MFSD1: variants seen among roughly 807,000 people sequenced by gnomAD.
MFSD1 encodes the protein major facilitator superfamily domain containing 1.
Under a neutral mutation model 67.1 loss-of-function variants are expected in MFSD1, and 59 were observed. The observed-to-expected ratio is 0.88, with a 90% CI of 0.71 to 1.09. The LOEUF (loss-of-function observed/expected upper bound fraction) is 1.09. Ranked by LOEUF, MFSD1 falls within the 50% of genes least tolerant of loss-of-function variation. MFSD1 has a pLI of 0.00. For synonymous variants in MFSD1, 213 were observed against 200.3 expected, an observed-to-expected ratio of 1.06 and a Z score of -0.54; for missense variants, 552 against 566.1, an observed-to-expected ratio of 0.97 and a Z score of 0.25.
intron 6 of MFSD1, among the ~76,000 whole-genome samples, chr3:158,809,804 C>T (rs1729909702): frequency 6.6e-6 from 1 of 152,192 alleles, no homozygotes; most frequent in African/African-American, 2.4e-5. Flanking sequence ...CAGCACTTTG[C>T]TCCTTTGTAG....
In MFSD1 at chr3:158,802,825, C is replaced by T. The variant is rs149102508; in HGVS notation, c.163+510C>T. ...AAGCAATCCTCCCGCCTCAGCCTCC[C>T]GAGTAGCTGGGACCACAGATGGGGC... On this transcript the variant is annotated intron_variant, in intron 1 of 15. Coordinates refer to ENST00000415822, the MANE Select transcript of MFSD1 (RefSeq NM_022736.4). 1.2e-4 allele frequency among the ~76,000 whole-genome samples: 18 copies of T among 152,242 alleles called. 1 individual carries two copies. In the East Asian group the frequency reaches 2.9e-3, roughly 24 times the overall value.
At chr3:158,813,167 AG>A (rs1223655131) in intron 6 of MFSD1, among the ~76,000 whole-genome samples, 2 of 136,568 alleles carry the variant, frequency 1.5e-5, no homozygotes, top group African/African-American at 5.5e-5. Context: ...TTTTTTTTTG[AG>A]ACGGAGTCTT....
chr3:158,812,901 C>T (rs1045606161), intron 6 of MFSD1, among the ~76,000 whole-genome samples: 4 of 152,112 alleles, frequency 2.6e-5, no homozygotes, highest in Admixed American at 2.6e-4. Context: ...GCAAGCTCCT[C>T]TTGGGGCCTG....
At position 158,818,236 on chromosome 3, in the gene MFSD1, A is replaced by G. The variant is rs558309139; in HGVS notation, c.653-1413A>G. Among the ~76,000 whole-genome samples, 107 of 152,282 alleles carry G rather than the reference A, an allele frequency of 7.0e-4. 1 individual carries two copies. The highest frequency in any genetic ancestry group is 2.5e-3 in the African/African-American group (103 of 41,542). On this transcript the variant is annotated intron_variant, in intron 7 of 15. Coordinates refer to ENST00000415822, the MANE Select transcript of MFSD1 (RefSeq NM_022736.4). ...TTTTCCCTAATTTTTAAATTGACAC[A>G]TAATTATACATATTTATGGGTACAA...
In MFSD1 at chr3:158,823,466, A is replaced by C; in HGVS notation, c.1116A>C (p.Ala372=). 1 of 1,613,872 alleles carries C rather than the reference A, an allele frequency of 6.2e-7. No homozygotes were observed. Among genetic ancestry groups the C allele is most frequent in the Non-Finnish European group, 8.5e-7 (1 of 1,179,790 alleles). The part of the protein sequence containing the change: ...LGLSYSLLAC[A]LWPMVAFVVP... ...TCTCCTACTCATTGCTTGCCTGTGC[A>C]TTGTGGCCAATGGTGGCATTTGTAG... Residue 372 remains alanine, a synonymous_variant, in exon 12 of 16, where the codon GCA becomes GCC. Transcript: ENST00000415822.
At chr3:158,827,227 T>C in intron 14 of MFSD1, 53 bp from the exon 15 acceptor site, 1 of 1,162,016 alleles carries the variant, frequency 8.6e-7, no homozygotes, top group Non-Finnish European at 1.2e-6. Context: ...TGGTTGAAAT[T>C]TACTTACTGA....
At position 158,814,065 on chromosome 3, in the gene MFSD1, T is replaced by C. The variant is rs1426537499; in HGVS notation, c.650T>C (p.Ile217Thr). ...ACAACCCTCGGGATCACACTTATGA[T>C]TGGTGAGTGAATCCCATGTCCCACA... ...GHTTLGITLMIGGITCILSLI... is the reference protein window; with the variant it reads ...GHTTLGITLMTGGITCILSLI... Residue 217 changes from isoleucine (I) to threonine (T), a missense_variant and splice_region_variant, in exon 7 of 16, where the codon ATT becomes ACT. Transcript: ENST00000415822. The C allele has an allele frequency of 7.4e-6, 12 of 1,610,912 alleles. No individual in the cohort carries two copies. Among genetic ancestry groups the C allele is most frequent in the Non-Finnish European group, 1.0e-5 (12 of 1,177,506 alleles).
intron 9 of MFSD1, 82 bp from the exon 10 acceptor site, chr3:158,821,515 G>T: frequency 2.2e-6 from 2 of 898,106 alleles, no homozygotes; most frequent in South Asian, 1.5e-5. Flanking sequence ...GATTAAACTT[G>T]AGTTATTTTT....
chr3:158,805,515 G>A, intron 3 of MFSD1, 41 bp downstream of exon 3: 1 of 1,394,448 alleles, frequency 7.2e-7, no homozygotes, highest in Non-Finnish European at 1.0e-6. Context: ...TTACCTGATT[G>A]TTAGAAAAAT....
At position 158,821,598 on chromosome 3, in the gene MFSD1, G is replaced by A. The variant is rs1295080812; in HGVS notation, c.865G>A (p.Val289Ile). 1 of 1,601,946 alleles carries A rather than the reference G, an allele frequency of 6.2e-7. No homozygotes were observed. The highest frequency in any genetic ancestry group is 8.5e-7 in the Non-Finnish European group (1 of 1,171,820). ...ATTTCTCTGTCTTTTTAATTTTAGA[G>A]TTTTCTTTACAGAGAAATTTGGATT... ...AVFPFIGLGK[V>I]FFTEKFGFSS... is the part of the protein sequence containing the mutation. The change falls in exon 10 of 16, where the codon GTT (valine) becomes ATT (isoleucine). Residue 289 changes from valine (V) to isoleucine (I), a missense_variant and splice_region_variant. Physicochemically the swap from Val to Ile is conservative, Grantham distance 29 (BLOSUM62 3). Coordinates refer to ENST00000415822, the MANE Select transcript of MFSD1 (RefSeq NM_022736.4).
chr3:158,827,752 G>A (rs1165972792), intron 15 of MFSD1, among the ~76,000 whole-genome samples: 1 of 151,970 alleles, frequency 6.6e-6, no homozygotes, highest in African/African-American at 2.4e-5. Flanking sequence ...TTTTCCTTGA[G>A]TTTTGAGAGC....
rs769977949 is a variant in MFSD1 at position 158,804,303 on chromosome 3, A to G, written c.164-16A>G. The G allele has an allele frequency of 1.8e-5, 28 of 1,594,236 alleles. No homozygotes were observed. In the East Asian group the frequency reaches 3.8e-4, roughly 22 times the overall value. ...TGGGAAGTATTATTACTTATAAAGT[A>G]TTTGCTCTTTTCTAGGCAGCTATTT... On this transcript the variant is annotated splice_polypyrimidine_tract_variant and intron_variant, in intron 1 of 15. Transcript: ENST00000415822.
intron 3 of MFSD1, among the ~76,000 whole-genome samples, chr3:158,805,913 G>A (rs1729698209): frequency 6.6e-6 from 1 of 152,190 alleles, no homozygotes; most frequent in African/African-American, 2.4e-5. Flanking sequence ...CACATAGGTA[G>A]TATGTGCTTC....
chr3:158,811,627 A>G (rs1425364405), intron 6 of MFSD1, among the ~76,000 whole-genome samples: 2 of 152,234 alleles, frequency 1.3e-5, no homozygotes, highest in African/African-American at 4.8e-5. Context: ...GGGGGAAACT[A>G]TAGGCTGTGG....
At chr3:158,818,561 T>C (rs1730500744) in intron 7 of MFSD1, among the ~76,000 whole-genome samples, 1 of 151,990 alleles carries the variant, frequency 6.6e-6, no homozygotes, top group Non-Finnish European at 1.5e-5. Context: ...ACTACTTCTA[T>C]AAGATCAGGT....
intron 9 of MFSD1, among the ~76,000 whole-genome samples, chr3:158,821,198 G>A (rs1730651438): frequency 1.3e-5 from 2 of 151,966 alleles, no homozygotes; most frequent in African/African-American, 4.8e-5. Flanking sequence ...TTTGTGTAAG[G>A]GTATGGTTTA....
chr3:158,807,189 G>T (rs1729773225), intron 4 of MFSD1, 107 bp downstream of exon 4: 4 of 1,109,616 alleles, frequency 3.6e-6, no homozygotes, highest in Non-Finnish European at 5.4e-6. Context: ...GCTTAATTAA[G>T]CAGAACCCAT....
chr3:158,811,002 C>T (rs1559917318), intron 6 of MFSD1, among the ~76,000 whole-genome samples: 1 of 152,122 alleles, frequency 6.6e-6, no homozygotes, highest in Non-Finnish European at 1.5e-5. Context: ...ACTCAACTGA[C>T]TTCATTCTGG....
intron 10 of MFSD1, 102 bp downstream of exon 10, chr3:158,821,755 T>C (rs73158377): frequency 0.042 from 46,957 of 1,123,472 alleles, 1,173 homozygotes; most frequent in Non-Finnish European, 0.051. Context: ...ACCTAATATT[T>C]TTTAAGTGCG....
Sources: allele counts gnomAD v4.1 joint callset (sites outside exome capture counted in the v4.1 genomes callset), GRCh38; gene constraint gnomAD v4.1.1; transcripts MANE v1.5; gene names NCBI Gene and HGNC (gene_info 2026-07-23, HGNC 2026-07-21).